Variants in ZC3H12B observed in about 807,000 individuals in gnomAD.
ZC3H12B encodes zinc finger CCCH-type containing 12B, also known as probable ribonuclease ZC3H12B.
ZC3H12B carries 7 observed loss-of-function variants against 43.9 expected under a neutral mutation model. The observed-to-expected ratio is 0.16, with a 90% confidence interval of 0.09 to 0.30. The LOEUF (loss-of-function observed/expected upper bound fraction) is 0.30, where lower values mean the gene tolerates loss of function less well. Ranked by LOEUF, ZC3H12B falls within the 10% of genes least tolerant of loss-of-function variation. ZC3H12B has a pLI of 1.00. For missense variants in ZC3H12B, 475 were observed against 670.2 expected, an observed-to-expected ratio of 0.71 and a Z score of 3.22; for synonymous variants, 222 against 241.7, an observed-to-expected ratio of 0.92 and a Z score of 0.76.
intron 3 of ZC3H12B, among the ~76,000 whole-genome samples, chrX:65,414,384 G>A (rs760334556): frequency 1.8e-5 from 2 of 111,272 alleles, no homozygotes; most frequent in African/African-American, 6.5e-5. Context: ...AGTGTTCTAT[G>A]TTTTTCTACT....
the ZC3H12B span, among the ~76,000 whole-genome samples, chrX:65,114,004 TATATATATATATATATATATA>T: frequency 1.8e-5 from 1 of 56,825 alleles, no homozygotes; most frequent in Non-Finnish European, 4.6e-5. Flanking sequence ...TATATATATA[TATATATATATATATATATATA>T]TTCATCTTTA....
chrX:65,482,143 A>T (rs1469141397), intron 3 of ZC3H12B, among the ~76,000 whole-genome samples: 1 of 112,149 alleles, frequency 8.9e-6, no homozygotes, highest in Non-Finnish European at 1.9e-5. Context: ...ACTGAATGAG[A>T]TGCTCAAGAT....
the ZC3H12B span, among the ~76,000 whole-genome samples, chrX:65,344,844 C>G: frequency 1.8e-5 from 2 of 111,931 alleles, no homozygotes; most frequent in East Asian, 5.6e-4. Context: ...CAGAATCTAT[C>G]AGAAACATAA....
the ZC3H12B span, among the ~76,000 whole-genome samples, chrX:65,084,029 A>G: frequency 1.8e-5 from 2 of 111,925 alleles, no homozygotes; most frequent in Non-Finnish European, 3.8e-5. Context: ...TCTTCCATTA[A>G]TGGTGCTGGG....
At chrX:65,333,494 A>G in the ZC3H12B span, among the ~76,000 whole-genome samples, 1 of 112,110 alleles carries the variant, frequency 8.9e-6, no homozygotes, top group African/African-American at 3.2e-5. Context: ...TCTCCAAAAA[A>G]AGTTTTCTTG....
intron 2 of ZC3H12B, among the ~76,000 whole-genome samples, chrX:65,381,669 G>T (rs1477726390): frequency 8.1e-5 from 9 of 111,606 alleles, no homozygotes; most frequent in Admixed American, 4.7e-4. Flanking sequence ...CCAGGAGCTG[G>T]TTTTTTGAAA....
the ZC3H12B span, among the ~76,000 whole-genome samples, chrX:65,050,747 C>A: frequency 9.0e-6 from 1 of 111,431 alleles, no homozygotes; most frequent in Admixed American, 9.5e-5. Context: ...TATGGTTAGC[C>A]ATCCTGGATT....
At chrX:65,464,604 G>T (rs1362129727) in intron 3 of ZC3H12B, among the ~76,000 whole-genome samples, 1 of 109,879 alleles carries the variant, frequency 9.1e-6, no homozygotes, top group Non-Finnish European at 1.9e-5. Context: ...TTTATTATAT[G>T]TATTTATTTA....
At chrX:65,385,399 C>A (rs960951596) in intron 2 of ZC3H12B, among the ~76,000 whole-genome samples, 1 of 111,384 alleles carries the variant, frequency 9.0e-6, no homozygotes, top group African/African-American at 3.3e-5. Context: ...GTATTTTATT[C>A]TCTTTGAAGC....
chrX:65,152,927 C>A, the ZC3H12B span, among the ~76,000 whole-genome samples: 1 of 111,349 alleles, frequency 9.0e-6, no homozygotes, highest in South Asian at 3.7e-4. Flanking sequence ...GAAGTAATGC[C>A]ACATATCTAC....
intron 3 of ZC3H12B, among the ~76,000 whole-genome samples, chrX:65,452,353 T>G (rs1478549777): frequency 9.0e-6 from 1 of 110,754 alleles, no homozygotes; most frequent in African/African-American, 3.3e-5. Context: ...ACAAAATTAA[T>G]GTACACATAT....
chrX:65,372,454 A>G (rs781106066), intron 2 of ZC3H12B, among the ~76,000 whole-genome samples: 3 of 108,218 alleles, frequency 2.8e-5, no homozygotes, highest in East Asian at 5.8e-4. Flanking sequence ...GAGGGAGGGA[A>G]GAAGAGAGGA....
the ZC3H12B span, among the ~76,000 whole-genome samples, chrX:65,053,402 C>A: frequency 1.8e-5 from 2 of 110,765 alleles, no homozygotes; most frequent in African/African-American, 3.3e-5. Flanking sequence ...ATGATGGTTT[C>A]CAGCTTCATC....
chrX:65,244,430 A>T, the ZC3H12B span, among the ~76,000 whole-genome samples: 1 of 110,518 alleles, frequency 9.0e-6, no homozygotes, highest in Admixed American at 9.7e-5. Flanking sequence ...CTCATCACAG[A>T]GTTGCCACAA....
At chrX:65,113,899 CAG>C in the ZC3H12B span, among the ~76,000 whole-genome samples, 3 of 101,365 alleles carry the variant, frequency 3.0e-5, no homozygotes, top group East Asian at 3.3e-4. Context: ...CACTGGGAAA[CAG>C]AAAAATTTAT....
chrX:65,353,637 G>T, the ZC3H12B span, among the ~76,000 whole-genome samples: 1 of 112,006 alleles, frequency 8.9e-6, no homozygotes, highest in Non-Finnish European at 1.9e-5. Context: ...CTGGAAAGGG[G>T]TCTGAAGCCA....
At chrX:65,202,946 G>A in the ZC3H12B span, among the ~76,000 whole-genome samples, 1 of 111,281 alleles carries the variant, frequency 9.0e-6, no homozygotes, top group Non-Finnish European at 1.9e-5. Context: ...GGCTGAGCAG[G>A]CACCCAAGCC....
chrX:65,229,235 C>T, the ZC3H12B span, among the ~76,000 whole-genome samples: 2 of 110,178 alleles, frequency 1.8e-5, no homozygotes, highest in African/African-American at 6.8e-5. Flanking sequence ...CACCTCATAT[C>T]TACAACTATC....
At chrX:65,402,164 G>T (rs1162009197) in intron 3 of ZC3H12B, among the ~76,000 whole-genome samples, 1 of 111,661 alleles carries the variant, frequency 9.0e-6, no homozygotes, top group African/African-American at 3.3e-5. Flanking sequence ...AGGGAACATT[G>T]GTAGTAGTCT....
Sources: allele counts gnomAD v4.1 joint callset (sites outside exome capture counted in the v4.1 genomes callset), GRCh38; gene constraint gnomAD v4.1.1; transcripts MANE v1.5; gene names NCBI Gene and HGNC (gene_info 2026-07-23, HGNC 2026-07-21).